FSTL5: variants seen among roughly 807,000 people sequenced by gnomAD.
The protein encoded by FSTL5 is follistatin-related protein 5.
A neutral mutation model predicts 89.1 loss-of-function variants in FSTL5; 62 were observed. That is an observed-to-expected ratio of 0.70 (90% confidence interval 0.57 to 0.86). The LOEUF is 0.86. Ranked by LOEUF, FSTL5 falls within the 40% of genes least tolerant of loss-of-function variation. FSTL5 has a pLI of 0.00. For synonymous variants in FSTL5, 383 were observed against 346.2 expected (o/e 1.11, Z -1.18); for missense variants, 1,057 against 1,001.6 (o/e 1.06, Z -0.75).
At chr4:162,032,770 C>A (rs1256460950) in intron 3 of FSTL5, 1 of 152,002 alleles carries the variant, frequency 6.6e-6, no homozygotes, top group Non-Finnish European at 1.5e-5. Context: ...TATTAAACTA[C>A]TTCATATTTA....
chr4:161,541,123 T>C (rs1731805765), intron 9 of FSTL5, among the ~76,000 whole-genome samples: 1 of 152,102 alleles, frequency 6.6e-6, no homozygotes, highest in African/African-American at 2.4e-5. Flanking sequence ...CATGAATGAG[T>C]AGATAATTAA....
intron 4 of FSTL5, among the ~76,000 whole-genome samples, chr4:161,798,206 T>G (rs1283826966): frequency 6.6e-6 from 1 of 151,826 alleles, no homozygotes; most frequent in African/African-American, 2.4e-5. Flanking sequence ...ATTTAGGTAG[T>G]TTGGCTAAGA....
At chr4:161,449,734 CTT>C (rs377594623) in intron 15 of FSTL5, among the ~76,000 whole-genome samples, 1 of 149,412 alleles carries the variant, frequency 6.7e-6, no homozygotes, top group Non-Finnish European at 1.5e-5. Flanking sequence ...CATAATACAT[CTT>C]TTTTTTTTCA....
intron 7 of FSTL5, among the ~76,000 whole-genome samples, chr4:161,633,414 G>T (rs10002423): frequency 0.25 from 37,360 of 151,038 alleles, 5,395 homozygotes; most frequent in African/African-American, 0.4. Flanking sequence ...TGGCGCGATC[G>T]CGGCTCACTG....
intron 4 of FSTL5, among the ~76,000 whole-genome samples, chr4:161,776,854 T>C (rs1741429396): frequency 6.6e-6 from 1 of 152,046 alleles, no homozygotes; most frequent in South Asian, 2.1e-4. Context: ...CAAACATTTA[T>C]GGTTTCTTTA....
At chr4:161,510,186 C>T (rs563327849) in intron 11 of FSTL5, among the ~76,000 whole-genome samples, 3 of 152,162 alleles carry the variant, frequency 2.0e-5, no homozygotes, top group African/African-American at 4.8e-5. Context: ...CGCAATGACA[C>T]TTTCTGGCTA....
chr4:161,984,313 C>T (rs1252973925), intron 3 of FSTL5, among the ~76,000 whole-genome samples: 1 of 151,628 alleles, frequency 6.6e-6, no homozygotes, highest in African/African-American at 2.4e-5. Flanking sequence ...TAGATCTTTG[C>T]TTTTTTTGCT....
rs183726312 is a variant in FSTL5 at position 162,143,284 on chromosome 4, G to A, written c.-17+20331C>T. Among the ~76,000 whole-genome samples, 939 of 151,804 alleles carry A rather than the reference G, an allele frequency of 6.2e-3. 7 individuals carry two copies. Among genetic ancestry groups the A allele is most frequent in the South Asian group, 0.019 (92 of 4,806 alleles). On this transcript the variant is annotated intron_variant, in intron 1 of 15. Coordinates refer to ENST00000306100, the MANE Select transcript of FSTL5 (RefSeq NM_020116.5). The stretch of plus-strand genomic sequence containing the variant: ...TTGTAAAGATTATTGACTTTACCTT[G>A]ATTTATATTTAGGCATTGGAATAAG...
intron 10 of FSTL5, among the ~76,000 whole-genome samples, chr4:161,526,019 T>C (rs1184778389): frequency 2.0e-5 from 3 of 152,164 alleles, no homozygotes; most frequent in African/African-American, 7.2e-5. Context: ...TTGACTTTAT[T>C]TATTTATGAT....
chr4:162,154,980 C>G (rs866786163), intron 1 of FSTL5, among the ~76,000 whole-genome samples: 1 of 152,074 alleles, frequency 6.6e-6, no homozygotes, highest in Non-Finnish European at 1.5e-5. Context: ...GGCATTCAAG[C>G]AATAAAGACC....
intron 3 of FSTL5, among the ~76,000 whole-genome samples, chr4:161,978,442 AT>A (rs1284623703): frequency 1.3e-5 from 2 of 152,094 alleles, no homozygotes; most frequent in African/African-American, 4.8e-5. Flanking sequence ...AATATGCTTT[AT>A]TTTTATGAAA....
chr4:161,709,353 T>C (rs1033431706), intron 6 of FSTL5, among the ~76,000 whole-genome samples: 3 of 152,146 alleles, frequency 2.0e-5, no homozygotes, highest in African/African-American at 4.8e-5. Context: ...TATAATCTTA[T>C]TGAATTATAA....
chr4:161,514,956 T>C (rs1730766145), intron 10 of FSTL5, among the ~76,000 whole-genome samples: 1 of 152,030 alleles, frequency 6.6e-6, no homozygotes, highest in Non-Finnish European at 1.5e-5. Flanking sequence ...ATATAGAAAG[T>C]GTAGCAAATT....
intron 2 of FSTL5, among the ~76,000 whole-genome samples, chr4:162,079,269 G>A (rs1000011030): frequency 9.9e-5 from 15 of 151,604 alleles, no homozygotes; most frequent in African/African-American, 3.4e-4. Context: ...CTCTCAAGAC[G>A]CATCCCATAA....
intron 15 of FSTL5, among the ~76,000 whole-genome samples, chr4:161,439,318 T>A (rs77018104): frequency 0.047 from 7,199 of 152,230 alleles, 432 homozygotes; most frequent in East Asian, 0.19. Context: ...TGTGTATGTT[T>A]GGTGTTTGTG....
chr4:161,606,301 T>C (rs929958987), intron 7 of FSTL5, among the ~76,000 whole-genome samples: 3 of 144,122 alleles, frequency 2.1e-5, no homozygotes, highest in African/African-American at 5.2e-5. Context: ...TGGAGTGCAG[T>C]GGCGCGATCC....
chr4:161,598,797 C>G (rs573165107), intron 7 of FSTL5, among the ~76,000 whole-genome samples: 1 of 152,028 alleles, frequency 6.6e-6, no homozygotes, highest in South Asian at 2.1e-4. Context: ...AAATTCTAAA[C>G]TGGACTTCTA....
intron 12 of FSTL5, among the ~76,000 whole-genome samples, chr4:161,486,726 T>C (rs1729694225): frequency 6.6e-6 from 1 of 152,168 alleles, no homozygotes; most frequent in Non-Finnish European, 1.5e-5. Context: ...TCATAGGAAA[T>C]ACAACCGTCA....
chr4:161,393,988 A>C (rs1730914737), intron 15 of FSTL5, among the ~76,000 whole-genome samples: 1 of 152,154 alleles, frequency 6.6e-6, no homozygotes, highest in Admixed American at 6.5e-5. Context: ...TGGGGATGGA[A>C]ACGCAAAACA....
Sources: allele counts gnomAD v4.1 joint callset (sites outside exome capture counted in the v4.1 genomes callset), GRCh38; gene constraint gnomAD v4.1.1; transcripts MANE v1.5; gene names NCBI Gene and HGNC (gene_info 2026-07-23, HGNC 2026-07-21).